Variants in ARHGEF12 observed in about 807,000 individuals in gnomAD.
ARHGEF12 encodes KMT2A/ARHGEF12 fusion protein.
Under a neutral mutation model 211.2 loss-of-function variants are expected in ARHGEF12, and 66 were observed. That is an observed-to-expected ratio of 0.31 (90% confidence interval 0.26 to 0.38). The LOEUF (loss-of-function observed/expected upper bound fraction) is 0.38. Among genes scored for constraint, ARHGEF12 ranks in the 10% least tolerant of loss-of-function variants. The pLI, the probability that ARHGEF12 is intolerant of heterozygous loss-of-function variation, is 1.00. For synonymous variants in ARHGEF12, 592 were observed against 638.4 expected (o/e 0.93, Z 1.09); for missense variants, 1,429 against 1,869.5 (o/e 0.76, Z 4.34).
intron 16 of ARHGEF12, among the ~76,000 whole-genome samples, chr11:120,446,191 C>G (rs1946041070): frequency 8.0e-6 from 1 of 124,886 alleles, no homozygotes; most frequent in Non-Finnish European, 1.6e-5. Flanking sequence ...GAGCAAGACT[C>G]CATCTCAAAT....
chr11:120,392,442 G>A (rs1278366325), intron 1 of ARHGEF12, among the ~76,000 whole-genome samples: 1 of 152,062 alleles, frequency 6.6e-6, no homozygotes, highest in Non-Finnish European at 1.5e-5. Context: ...TGAGAGCAAG[G>A]ACCTTATCTG....
Position 120,485,158 on chromosome 11 carries a change from G to T in ARHGEF12, c.*81G>T. 6.4e-7 allele frequency: 1 copy of T among 1,563,572 alleles called. No individual in the cohort carries two copies. The highest frequency in any genetic ancestry group is 8.8e-7 in the Non-Finnish European group (1 of 1,136,972). On this transcript the variant is annotated 3_prime_UTR_variant, in exon 41 of 41. Coordinates refer to ENST00000397843, the MANE Select transcript of ARHGEF12 (RefSeq NM_015313.3). The stretch of plus-strand genomic sequence containing the variant: ...CTCACCACATCCTGGCTCCAGTGTG[G>T]ATGCAGAGAGAGTGTGACAGAGGAT...
intron 10 of ARHGEF12, 135 bp from the exon 11 acceptor site, chr11:120,431,636 A>C (rs1945536695): frequency 2.3e-6 from 2 of 881,332 alleles, no homozygotes; most frequent in Non-Finnish European, 3.1e-6. Flanking sequence ...TTTTAAACAT[A>C]CTTGAGCATA....
intron 36 of ARHGEF12, among the ~76,000 whole-genome samples, chr11:120,477,810 T>A (rs1378059385): frequency 6.9e-6 from 1 of 143,918 alleles, no homozygotes; most frequent in Admixed American, 7.2e-5. Flanking sequence ...GAGGTTACGG[T>A]GAGCCGAGAT....
At chr11:120,409,591 G>T (rs748957420) in intron 4 of ARHGEF12, 141 bp downstream of exon 4, 133 of 786,872 alleles carry the variant, frequency 1.7e-4, no homozygotes, top group Non-Finnish European at 2.4e-4. Flanking sequence ...ATGATCTACT[G>T]CAGGGAAAGG....
At chr11:120,415,477 T>G (rs1945002643) in intron 4 of ARHGEF12, among the ~76,000 whole-genome samples, 1 of 152,144 alleles carries the variant, frequency 6.6e-6, no homozygotes, top group African/African-American at 2.4e-5. Context: ...AGTAGGATTT[T>G]TGTGTGTGTA....
At chr11:120,395,036 A>G (rs1944335527) in intron 1 of ARHGEF12, among the ~76,000 whole-genome samples, 2 of 148,336 alleles carry the variant, frequency 1.3e-5, no homozygotes, top group South Asian at 4.4e-4. Context: ...CATCCTGCCC[A>G]ACAGAGCAAG....
chr11:120,440,269 A>G (rs9666435), intron 13 of ARHGEF12, 48 bp downstream of exon 13: 1 of 1,472,600 alleles, frequency 6.8e-7, no homozygotes, highest in African/African-American at 1.4e-5. Context: ...TTTCTGCAAT[A>G]TCTGATTTGT....
intron 11 of ARHGEF12, among the ~76,000 whole-genome samples, chr11:120,434,162 A>T (rs931112995): frequency 6.6e-6 from 1 of 152,222 alleles, no homozygotes; most frequent in African/African-American, 2.4e-5. Context: ...GGAGATCTGT[A>T]AGAAAAGAAG....
At chr11:120,484,152 C>T (rs1273032108) in intron 39 of ARHGEF12, among the ~76,000 whole-genome samples, 1 of 152,232 alleles carries the variant, frequency 6.6e-6, no homozygotes, top group South Asian at 2.1e-4. Flanking sequence ...GGACCATGTC[C>T]AGGGTGACTC....
At chr11:120,340,640 A>T (rs948281186) in intron 1 of ARHGEF12, among the ~76,000 whole-genome samples, 1 of 152,094 alleles carries the variant, frequency 6.6e-6, no homozygotes, top group Non-Finnish European at 1.5e-5. Flanking sequence ...TTTATATGTT[A>T]TTTTCAACGT....
chr11:120,425,654 T>C (rs1945322913), intron 7 of ARHGEF12, among the ~76,000 whole-genome samples: 1 of 151,718 alleles, frequency 6.6e-6, no homozygotes, highest in African/African-American at 2.4e-5. Flanking sequence ...ATGACAGTTA[T>C]AACAGAAGTA....
chr11:120,439,874 T>C (rs1945817936), intron 12 of ARHGEF12: 1 of 419,700 alleles, frequency 2.4e-6, no homozygotes, highest in South Asian at 3.6e-5. Context: ...GCAAAGGATA[T>C]TTACTGTTTC....
chr11:120,350,913 T>A (rs1942916172), intron 1 of ARHGEF12, among the ~76,000 whole-genome samples: 1 of 152,196 alleles, frequency 6.6e-6, no homozygotes, highest in African/African-American at 2.4e-5. Context: ...AATATGATGA[T>A]CTTTTGGTCA....
chr11:120,442,999 C>T (rs1945928164), intron 15 of ARHGEF12, among the ~76,000 whole-genome samples: 2 of 151,496 alleles, frequency 1.3e-5, no homozygotes, highest in Non-Finnish European at 2.9e-5. Flanking sequence ...TACTCTTTCT[C>T]CTGATGCTAT....
intron 1 of ARHGEF12, among the ~76,000 whole-genome samples, chr11:120,373,087 T>A (rs1943633129): frequency 6.6e-6 from 1 of 152,170 alleles, no homozygotes; most frequent in Admixed American, 6.5e-5. Flanking sequence ...TATATAAAAT[T>A]TCTGACATAG....
At chr11:120,429,678 A>G in intron 9 of ARHGEF12, 34 bp from the exon 10 acceptor site, 1 of 1,591,816 alleles carries the variant, frequency 6.3e-7, no homozygotes, top group Non-Finnish European at 8.6e-7. Flanking sequence ...TTACATAAGT[A>G]ATTAATTCTG....
At chr11:120,398,526 G>C (rs532249018) in intron 1 of ARHGEF12, among the ~76,000 whole-genome samples, 6 of 152,184 alleles carry the variant, frequency 3.9e-5, no homozygotes, top group African/African-American at 1.4e-4. Flanking sequence ...TTTATCGATG[G>C]TGGTTTGAAA....
At chr11:120,455,509 A>G (rs1054506240) in intron 22 of ARHGEF12, among the ~76,000 whole-genome samples, 1 of 152,248 alleles carries the variant, frequency 6.6e-6, no homozygotes, top group Non-Finnish European at 1.5e-5. Flanking sequence ...TGAAGAATGA[A>G]TAAAGACATT....
Sources: allele counts gnomAD v4.1 joint callset (sites outside exome capture counted in the v4.1 genomes callset), GRCh38; gene constraint gnomAD v4.1.1; transcripts MANE v1.5; gene names NCBI Gene and HGNC (gene_info 2026-07-23, HGNC 2026-07-21).